TTC39C: variants seen among roughly 807,000 people sequenced by gnomAD.
TTC39C encodes the protein tetratricopeptide repeat domain 39C.
In TTC39C, 33 loss-of-function variants were observed where a neutral mutation model predicts 76.3. The ratio of observed to expected loss-of-function variants is 0.43; its 90% confidence interval spans 0.33 to 0.58. The LOEUF (loss-of-function observed/expected upper bound fraction) is 0.58. TTC39C is among the 20% of genes least tolerant of loss of function. The pLI, the probability that TTC39C is intolerant of heterozygous loss-of-function variation, is 0.04. For synonymous variants in TTC39C, 254 were observed against 260.6 expected, an observed-to-expected ratio of 0.97 and a Z score of 0.24; for missense variants, 595 against 701.4, an observed-to-expected ratio of 0.85 and a Z score of 1.71.
chr18:24,042,718 G>A (rs947651139), intron 1 of TTC39C, among the ~76,000 whole-genome samples: 1 of 152,166 alleles, frequency 6.6e-6, no homozygotes, highest in African/African-American at 2.4e-5. Flanking sequence ...TTTTACAGGG[G>A]CTTATAGTTT....
At chr18:24,068,162 G>T (rs913972260) in intron 3 of TTC39C, among the ~76,000 whole-genome samples, 9 of 152,162 alleles carry the variant, frequency 5.9e-5, no homozygotes, top group African/African-American at 1.9e-4. Flanking sequence ...ATTAAGATTT[G>T]TAATGAGTCC....
At chr18:24,111,045 C>T (rs1157334321) in intron 6 of TTC39C, among the ~76,000 whole-genome samples, 1 of 151,250 alleles carries the variant, frequency 6.6e-6, no homozygotes, top group Non-Finnish European at 1.5e-5. Context: ...GGCTAGAGTG[C>T]AGTGGCACGA....
At chr18:24,083,661 T>A (rs2084404764) in intron 6 of TTC39C, among the ~76,000 whole-genome samples, 1 of 152,124 alleles carries the variant, frequency 6.6e-6, no homozygotes, top group Non-Finnish European at 1.5e-5. Flanking sequence ...TAAACAGGGA[T>A]CTAAGAGGGC....
At chr18:24,012,588 GTCTT>G (rs1360665801), upstream of TTC39C, among the ~76,000 whole-genome samples, 1 of 152,150 alleles carries the variant, frequency 6.6e-6, no homozygotes, top group Non-Finnish European at 1.5e-5. Flanking sequence ...GTGCTTGGCT[GTCTT>G]TCTCAGTTGG....
At chr18:24,060,202 G>A (rs2145724817) in intron 1 of TTC39C, among the ~76,000 whole-genome samples, 1 of 151,684 alleles carries the variant, frequency 6.6e-6, no homozygotes, top group African/African-American at 2.4e-5. Flanking sequence ...GTGTAAGAGT[G>A]TTCCTTTTTC....
intron 6 of TTC39C, among the ~76,000 whole-genome samples, chr18:24,103,094 C>T (rs538002581): frequency 5.9e-4 from 90 of 152,030 alleles, no homozygotes; most frequent in Non-Finnish European, 7.5e-4. Flanking sequence ...AGAGTGAGAC[C>T]GTGTCTGGAA....
chr18:24,073,162 C>G (rs1385447061), intron 4 of TTC39C, among the ~76,000 whole-genome samples: 1 of 152,214 alleles, frequency 6.6e-6, no homozygotes, highest in Non-Finnish European at 1.5e-5. Flanking sequence ...AGAATAGTAG[C>G]CACACTGCCT....
intron 1 of TTC39C, among the ~76,000 whole-genome samples, chr18:24,002,973 T>C (rs1200292018): frequency 6.6e-6 from 1 of 152,226 alleles, no homozygotes; most frequent in Non-Finnish European, 1.5e-5. Context: ...TAAATCCATA[T>C]TAAATCTTCC....
chr18:24,020,706 A>G (rs2083508166), intron 1 of TTC39C, among the ~76,000 whole-genome samples: 1 of 152,240 alleles, frequency 6.6e-6, no homozygotes, highest in Non-Finnish European at 1.5e-5. Flanking sequence ...GAATAGTGAC[A>G]AGGGAAAAAG....
chr18:24,126,478 T>C (rs2085052867), intron 10 of TTC39C, among the ~76,000 whole-genome samples: 1 of 148,882 alleles, frequency 6.7e-6, no homozygotes, highest in Admixed American at 6.7e-5. Context: ...AACAAAACAT[T>C]GCCAATTGCC....
intron 7 of TTC39C, among the ~76,000 whole-genome samples, chr18:24,117,339 A>G (rs977913151): frequency 6.6e-6 from 1 of 152,190 alleles, no homozygotes; most frequent in Non-Finnish European, 1.5e-5. Flanking sequence ...TTTCACTACC[A>G]GTGTGCTGAG....
intron 12 of TTC39C, 92 bp from the exon 13 acceptor site, chr18:24,131,790 A>C (rs2085133658): frequency 9.8e-7 from 1 of 1,016,994 alleles, no homozygotes; most frequent in African/African-American, 1.6e-5. Context: ...TCTACAGTGA[A>C]TTGTTTTAAT....
chr18:24,067,833 A>C (rs2084185341), intron 3 of TTC39C, among the ~76,000 whole-genome samples: 1 of 152,180 alleles, frequency 6.6e-6, no homozygotes, highest in Non-Finnish European at 1.5e-5. Context: ...AGCCATTGCC[A>C]TTATAATAAA....
chr18:24,094,991 C>A (rs556951919), intron 6 of TTC39C, among the ~76,000 whole-genome samples: 1 of 152,352 alleles, frequency 6.6e-6, no homozygotes, highest in Non-Finnish European at 1.5e-5. Flanking sequence ...TTCTAGATGG[C>A]ATCTTCTTCC....
intron 8 of TTC39C, among the ~76,000 whole-genome samples, chr18:24,122,674 T>C (rs2084985655): frequency 6.6e-6 from 1 of 151,986 alleles, no homozygotes; most frequent in Non-Finnish European, 1.5e-5. Context: ...GTAGTGGGGC[T>C]GCAGCCAGTG....
At chr18:24,013,235 C>T (rs1391047173), upstream of TTC39C, among the ~76,000 whole-genome samples, 2 of 152,148 alleles carry the variant, frequency 1.3e-5, no homozygotes, top group South Asian at 2.1e-4. Flanking sequence ...GGATGTGAAT[C>T]GTCCATTTTC....
At chr18:24,082,763 G>T (rs1599308235) in intron 5 of TTC39C, 150 bp from the exon 6 acceptor site, 1 of 736,632 alleles carries the variant, frequency 1.4e-6, no homozygotes, top group Non-Finnish European at 2.0e-6. Context: ...ACATTAAAAT[G>T]GGGAAAGTCT....
At chr18:24,071,060 C>A (rs569246957) in intron 4 of TTC39C, among the ~76,000 whole-genome samples, 5 of 152,050 alleles carry the variant, frequency 3.3e-5, no homozygotes, top group Admixed American at 1.3e-4. Flanking sequence ...TCCAGAGTAG[C>A]TGGGATTACA....
chr18:24,033,106 C>T (rs933425271), intron 1 of TTC39C, among the ~76,000 whole-genome samples: 27 of 152,038 alleles, frequency 1.8e-4, no homozygotes, highest in Admixed American at 1.7e-3. Flanking sequence ...TACAAAAATT[C>T]GCTGGGCCTG....
Sources: allele counts gnomAD v4.1 joint callset (sites outside exome capture counted in the v4.1 genomes callset), GRCh38; gene constraint gnomAD v4.1.1; transcripts MANE v1.5; gene names NCBI Gene and HGNC (gene_info 2026-07-23, HGNC 2026-07-21).